The following NBPF12 variants were observed in gnomAD, a reference collection of about 807,000 sequenced individuals.
The protein encoded by NBPF12 is NBPF family member NBPF12.
A neutral mutation model predicts 146.4 loss-of-function variants in NBPF12; 115 were observed. The ratio of observed to expected loss-of-function variants is 0.79; its 90% CI spans 0.68 to 0.92. The LOEUF is 0.92. Among genes scored for constraint, NBPF12 ranks in the 40% least tolerant of loss-of-function variants. The pLI is 0.00. For missense variants in NBPF12, 1,205 were observed against 1,326.8 expected, an observed-to-expected ratio of 0.91 and a Z score of 1.43; for synonymous variants, 385 against 508.9, an observed-to-expected ratio of 0.76 and a Z score of 3.28.
At chr1:146,955,124 C>G (rs2101832677) in intron 2 of NBPF12, among the ~76,000 whole-genome samples, 1 of 93,724 alleles carries the variant, frequency 1.1e-5, no homozygotes, top group Admixed American at 1.3e-4. Flanking sequence ...CATGAATGGT[C>G]AATTAGCATA....
At chr1:146,990,899 CCT>C (rs373311542) in intron 29 of NBPF12, among the ~76,000 whole-genome samples, 1 of 105,626 alleles carries the variant, frequency 9.5e-6, no homozygotes. Context: ...CTCACTTTCT[CCT>C]CTCTCTCTCT....
chr1:146,965,622 A>T (rs1190687106), intron 8 of NBPF12, among the ~76,000 whole-genome samples: 24,916 of 126,940 alleles, frequency 0.2, 2,341 homozygotes, highest in Middle Eastern at 0.27. Flanking sequence ...CTTTACTAAA[A>T]ATACAAAAAA....
At chr1:146,961,390 G>C (rs1570837950) in intron 4 of NBPF12, among the ~76,000 whole-genome samples, 1 of 151,718 alleles carries the variant, frequency 6.6e-6, no homozygotes, top group East Asian at 1.9e-4. Context: ...TGTTCAGAGG[G>C]TACTACAATA....
rs1260023697 is a variant in NBPF12 at position 146,959,873 on chromosome 1, C to T, written c.-169C>T. On this transcript the variant is annotated 5_prime_UTR_variant, in exon 3 of 34. In the 5' UTR this introduces an upstream ATG that the reference lacks. Transcript: ENST00000617844. ...TGCAACTGCAGACGGTTACCTGGCA[C>T]GCTGGCCACAATCTACCTCACTCTT... The T allele has an allele frequency of 4.4e-5, 7 of 158,282 alleles. No homozygotes were observed. Among genetic ancestry groups the T allele is most frequent in the East Asian group, 1.3e-4 (1 of 7,442 alleles). The allele number at this position is 158,282 out of a possible 1,614,324, so 9.8% of individuals were successfully genotyped here.
chr1:146,966,919 ACC>A (rs1377497339), intron 9 of NBPF12, among the ~76,000 whole-genome samples: 7 of 150,298 alleles, frequency 4.7e-5, no homozygotes, highest in East Asian at 1.9e-4. Context: ...GATTTCTGAC[ACC>A]GGCACAGAAT....
At chr1:146,977,576 A>C in exon 18 of NBPF12, 1 of 1,613,136 alleles carries the variant, frequency 6.2e-7, no homozygotes, top group Non-Finnish European at 8.5e-7. Flanking sequence ...CCACATAGGA[A>C]AACCAAAATC....
intron 1 of NBPF12, among the ~76,000 whole-genome samples, 183 bp downstream of exon 1, chr1:146,939,195 G>T (rs1422115523): frequency 6.6e-6 from 1 of 152,020 alleles, no homozygotes; most frequent in Non-Finnish European, 1.5e-5. Context: ...CCCTCCTCTC[G>T]TGGGCGCTGG....
exon 14 of NBPF12, chr1:146,972,842 A>G: frequency 7.6e-7 from 1 of 1,313,424 alleles, no homozygotes; most frequent in East Asian, 2.3e-5. Context: ...ACATTCTAGA[A>G]ATCAATGAGA....
chr1:146,951,519 A>G, intron 2 of NBPF12, 30 bp downstream of exon 5: 1 of 591,620 alleles, frequency 1.7e-6, no homozygotes, highest in East Asian at 2.8e-5. Flanking sequence ...GAGCTTTCTG[A>G]AAGATGCTAC....
intron 25 of NBPF12, among the ~76,000 whole-genome samples, 171 bp downstream of exon 28, chr1:146,987,456 CT>C (rs1657843351): frequency 6.6e-6 from 1 of 152,092 alleles, no homozygotes; most frequent in Non-Finnish European, 1.5e-5. Flanking sequence ...GTTTCCATTT[CT>C]TCCTCCCCTT....
chr1:146,984,381 A>T (rs1180700698), intron 21 of NBPF12, among the ~76,000 whole-genome samples, 196 bp downstream of exon 24: 1 of 149,764 alleles, frequency 6.7e-6, no homozygotes, highest in Non-Finnish European at 1.5e-5. Context: ...TCATTTACTA[A>T]CCTAGTGAAG....
chr1:146,945,243 C>A (rs1297925472), upstream of NBPF12, among the ~76,000 whole-genome samples: 1 of 151,598 alleles, frequency 6.6e-6, no homozygotes, highest in African/African-American at 2.4e-5. Flanking sequence ...ATCTCTGGAG[C>A]TGCTTCTGTC....
chr1:146,973,949 A>G (rs1208298735), intron 14 of NBPF12, among the ~76,000 whole-genome samples: 1,784 of 150,522 alleles, frequency 0.012, 26 homozygotes, highest in African/African-American at 0.019. Context: ...AGCAGGGACC[A>G]TGGGCCTGTC....
At chr1:146,984,614 T>TGTGTGTGTGTGTGC (rs1657624452) in intron 21 of NBPF12, among the ~76,000 whole-genome samples, 199 bp from the exon 25 acceptor site, 1 of 144,114 alleles carries the variant, frequency 6.9e-6, no homozygotes, top group Non-Finnish European at 1.5e-5. Context: ...TGTGTGTGTG[T>TGTGTGTGTGTGTGC]GTGTGTGTGT....
At chr1:146,947,817 T>C (rs2487947), upstream of NBPF12, among the ~76,000 whole-genome samples, 1,465 of 150,060 alleles carry the variant, frequency 9.8e-3, no homozygotes, top group African/African-American at 0.035. Flanking sequence ...GGATGGTTTT[T>C]GGGGGAACAT....
intron 29 of NBPF12, among the ~76,000 whole-genome samples, chr1:146,990,738 G>A (rs1191140724): frequency 5.4e-3 from 606 of 113,132 alleles, no homozygotes; most frequent in Middle Eastern, 8.0e-3. Context: ...CTCAAAGGCC[G>A]TATGGCAACT....
intron 31 of NBPF12, among the ~76,000 whole-genome samples, chr1:146,992,460 CTCTGTGTG>C (rs1435586089): frequency 6.1e-3 from 538 of 88,472 alleles, no homozygotes; most frequent in Middle Eastern, 0.017. Flanking sequence ...CTCTCTCTCT[CTCTGTGTG>C]TGTGTGTGTG....
chr1:146,969,617 G>A (rs1656443555), intron 11 of NBPF12, 21 bp downstream of exon 14: 4 of 1,609,036 alleles, frequency 2.5e-6, no homozygotes, highest in Non-Finnish European at 3.4e-6. Context: ...CACAGGCCCT[G>A]ATGACCCAAA....
At chr1:146,966,439 A>G (rs1355319810) in intron 8 of NBPF12, 25 bp from the exon 12 acceptor site, 47 of 1,328,666 alleles carry the variant, frequency 3.5e-5, no homozygotes, top group Non-Finnish European at 4.7e-5. Context: ...TTAACCCATC[A>G]TGTGTTTGCC....
Sources: gnomAD v4.1 joint callset for allele counts (sites outside exome capture counted in the v4.1 genomes callset) on GRCh38, gnomAD v4.1.1 for gene constraint, MANE v1.5 for transcripts, NCBI Gene and HGNC (gene_info 2026-07-23, HGNC 2026-07-21) for gene names.